The following TMCC2 variants were observed in gnomAD, a reference collection of about 807,000 sequenced individuals.
TMCC2 encodes the protein transmembrane and coiled-coil domains protein 2.
Under a neutral mutation model 49.4 loss-of-function variants are expected in TMCC2, and 16 were observed. The ratio of observed to expected loss-of-function variants is 0.32; its 90% CI spans 0.22 to 0.49. TMCC2 has a LOEUF of 0.49. Ranked by LOEUF, TMCC2 falls within the 20% of genes least tolerant of loss-of-function variation. The pLI, the probability that TMCC2 is intolerant of heterozygous loss-of-function variation, is 0.99. For synonymous variants in TMCC2, 397 were observed against 434.1 expected (o/e 0.91, Z 1.06); for missense variants, 762 against 989.8 (o/e 0.77, Z 3.09).
chr1:205,272,432 T>C lies in TMCC2; in HGVS notation c.*308T>C. ...CACAAGGACTTCTCCCAGCTGACCC[T>C]CAGGATGCCCCAAGTCAGGAAGACC... On this transcript the variant is annotated 3_prime_UTR_variant, in exon 5 of 5. Transcript: ENST00000358024. 2.5e-6 allele frequency: 1 copy of C among 395,938 alleles called. No homozygotes were observed. Among genetic ancestry groups the C allele is most frequent in the Non-Finnish European group, 4.5e-6 (1 of 220,980 alleles). 24.5% of individuals were successfully genotyped at this position (395,938 alleles called of 1,614,324 possible).
chr1:205,229,188 TGTG>T, intron 1 of TMCC2: 2 of 923,096 alleles, frequency 2.2e-6, no homozygotes, highest in Non-Finnish European at 2.6e-6. Flanking sequence ...TGTGTGTGTG[TGTG>T]TGTGTGTATG....
rs188264709 is a variant in TMCC2, at chr1:205,269,604, G to A, written c.1402G>A (p.Val468Ile). 249 of 1,613,810 alleles carry A rather than the reference G, an allele frequency of 1.5e-4. 2 individuals carry two copies. The highest frequency in any genetic ancestry group is 1.4e-3 in the East Asian group (65 of 44,878). The change falls in exon 3 of 5, where the codon GTC (valine) becomes ATC (isoleucine). Residue 468 changes from valine to isoleucine, a missense_variant. Physicochemically the swap from Val to Ile is conservative, Grantham distance 29. This residue lies in a region of TMCC2 where 440 missense variants were observed against 636.7 expected (regional missense o/e 0.69). Transcript: ENST00000358024. ...ARALSGSATL[V>I]SSPKYGSDDE... is the part of the protein sequence containing the mutation. ...GGCACTGAGCGGCAGTGCCACACTC[G>A]TCTCCAGCCCCAAGTATGGCAGCGA...
At chr1:205,253,518 A>G (rs544332013) in intron 2 of TMCC2, among the ~76,000 whole-genome samples, 1 of 152,330 alleles carries the variant, frequency 6.6e-6, no homozygotes, top group Admixed American at 6.5e-5. Flanking sequence ...CATCCTGTGA[A>G]TTGATAGTGA....
intron 1 of TMCC2, among the ~76,000 whole-genome samples, chr1:205,236,068 CAAAA>C (rs3060144): frequency 6.0e-5 from 7 of 116,190 alleles, no homozygotes; most frequent in South Asian, 2.7e-4. Flanking sequence ...GACTCTGTCT[CAAAA>C]AAAAAAAAAA....
chr1:205,252,397 G>A (rs151296563), intron 2 of TMCC2, among the ~76,000 whole-genome samples: 1 of 152,178 alleles, frequency 6.6e-6, no homozygotes, highest in African/African-American at 2.4e-5. Context: ...ATTCCTCCAC[G>A]TATTCCTAGG....
intron 3 of TMCC2, 109 bp from the exon 4 acceptor site, chr1:205,271,011 C>T (rs958320058): frequency 5.3e-5 from 78 of 1,458,570 alleles, no homozygotes; most frequent in African/African-American, 3.9e-4. Context: ...GAGCTGGACA[C>T]GGGGGATGGG....
intron 2 of TMCC2, chr1:205,256,267 T>C (rs1660866849): frequency 1.3e-6 from 2 of 1,540,712 alleles, no homozygotes; most frequent in Non-Finnish European, 1.7e-6. Context: ...ATTAGAGAGA[T>C]CCAGCAGGCC....
intron 2 of TMCC2, among the ~76,000 whole-genome samples, chr1:205,251,459 C>T (rs1021517135): frequency 6.6e-6 from 1 of 152,156 alleles, no homozygotes; most frequent in African/African-American, 2.4e-5. Context: ...CCAGATACCC[C>T]ACCACTGGGA....
intron 2 of TMCC2, among the ~76,000 whole-genome samples, chr1:205,254,985 G>T (rs1399214959): frequency 6.6e-6 from 1 of 152,200 alleles, no homozygotes; most frequent in Non-Finnish European, 1.5e-5. Flanking sequence ...GCCAAGGCAG[G>T]TGGATCGTTT....
At chr1:205,236,097 T>A (rs950351503) in intron 1 of TMCC2, among the ~76,000 whole-genome samples, 1 of 151,688 alleles carries the variant, frequency 6.6e-6, no homozygotes, top group Non-Finnish European at 1.5e-5. Flanking sequence ...AGAACAGTTA[T>A]TTTTAAACCA....
Position 205,228,732 on chromosome 1 carries a change from G to C in TMCC2, c.168G>C (p.Ala56=), listed in dbSNP as rs1047523492. The C allele has an allele frequency of 2.3e-5, 37 of 1,609,976 alleles. No homozygotes were observed. The highest frequency in any genetic ancestry group is 3.1e-5 in the Non-Finnish European group (37 of 1,178,936). The change falls in exon 1 of 5, where the codon GCG becomes GCC. Residue 56 remains alanine, a synonymous_variant. Transcript: ENST00000358024. ...CTTCAGACGCCGGCGCTGCCGCGGC[G>C]CCCAACCCAGGTCCCCGAAGCAAGC... ...GPTSDAGAAA[A]PNPGPRSKPP...
At chr1:205,244,357 C>T (rs1188459367) in intron 2 of TMCC2, among the ~76,000 whole-genome samples, 1 of 152,136 alleles carries the variant, frequency 6.6e-6, no homozygotes. Context: ...ATCCAGAAGT[C>T]AGCATCGTCC....
At chr1:205,248,650 C>T (rs1660548828) in intron 2 of TMCC2, among the ~76,000 whole-genome samples, 1 of 152,082 alleles carries the variant, frequency 6.6e-6, no homozygotes, top group African/African-American at 2.4e-5. Context: ...GTTATACGTC[C>T]AGTGGAGATG....
chr1:205,237,547 A>G (rs1660102515), intron 1 of TMCC2, among the ~76,000 whole-genome samples: 1 of 152,248 alleles, frequency 6.6e-6, no homozygotes, highest in Non-Finnish European at 1.5e-5. Context: ...GGATTTGTTG[A>G]GAACACACGT....
intron 1 of TMCC2, chr1:205,233,947 A>G (rs1349145532): frequency 6.6e-6 from 1 of 152,068 alleles, no homozygotes; most frequent in East Asian, 1.9e-4. Context: ...GCTACTTCAT[A>G]AGAACGTAGG....
intron 1 of TMCC2, among the ~76,000 whole-genome samples, chr1:205,233,436 A>C (rs1049020947): frequency 6.6e-6 from 1 of 152,224 alleles, no homozygotes; most frequent in Non-Finnish European, 1.5e-5. Flanking sequence ...GAAGAGCAGG[A>C]AAGATAATTC....
In TMCC2 at chr1:205,272,065, C is replaced by T; in HGVS notation, c.2071C>T (p.Leu691Phe). The change falls in exon 5 of 5, where the codon CTC (leucine) becomes TTC (phenylalanine). Residue 691 changes from leucine to phenylalanine, a missense_variant. Leu to Phe is a conservative substitution (Grantham distance 22). Coordinates refer to ENST00000358024, the MANE Select transcript of TMCC2 (RefSeq NM_014858.4). ...TTLLVLVLFL[L>F]WKHWDSLTYL... ...CCTCCTGGTCCTCGTCCTGTTCCTCCTCTGGAAGCACTGGGACTCCCTCAC... is the reference window on the plus strand; with the variant it reads ...CCTCCTGGTCCTCGTCCTGTTCCTCTTCTGGAAGCACTGGGACTCCCTCAC... The T allele has an allele frequency of 6.2e-7, 1 of 1,614,192 alleles. No homozygotes were observed. Among genetic ancestry groups the T allele is most frequent in the Non-Finnish European group, 8.5e-7 (1 of 1,180,022 alleles).
intron 2 of TMCC2, among the ~76,000 whole-genome samples, chr1:205,249,645 A>G (rs866864939): frequency 4.7e-4 from 71 of 152,338 alleles, no homozygotes; most frequent in Middle Eastern, 6.8e-3. Flanking sequence ...ACGCAGGTAC[A>G]TGCGCCAGCC....
At chr1:205,262,771 T>G (rs1469961119) in intron 2 of TMCC2, among the ~76,000 whole-genome samples, 1 of 152,104 alleles carries the variant, frequency 6.6e-6, no homozygotes, top group Non-Finnish European at 1.5e-5. Context: ...TACATCCCCG[T>G]GTCCTTCTTT....
Sources: gnomAD v4.1 joint callset for allele counts (sites outside exome capture counted in the v4.1 genomes callset) on GRCh38, gnomAD v4.1.1 for gene constraint, gnomAD v4.1.1 regional missense constraint, MANE v1.5 for transcripts, NCBI Gene and HGNC (gene_info 2026-07-23, HGNC 2026-07-21) for gene names.